Variants in CTNNA3 observed in about 807,000 individuals in gnomAD.
CTNNA3 encodes the protein catenin alpha-3.
Under a neutral mutation model 95.7 loss-of-function variants are expected in CTNNA3, and 76 were observed. The ratio of observed to expected loss-of-function variants is 0.79; its 90% CI spans 0.66 to 0.96. CTNNA3 has a LOEUF of 0.96. Ranked by LOEUF, CTNNA3 falls within the 40% of genes least tolerant of loss-of-function variation. CTNNA3 has a pLI of 0.00. For missense variants in CTNNA3, 1,191 were observed against 1,089.8 expected, an observed-to-expected ratio of 1.09 and a Z score of -1.31; for synonymous variants, 431 against 374.4, an observed-to-expected ratio of 1.15 and a Z score of -1.74.
intron 9 of CTNNA3, among the ~76,000 whole-genome samples, chr10:66,684,728 A>G (rs1847187335): frequency 6.6e-6 from 1 of 152,122 alleles, no homozygotes; most frequent in South Asian, 2.1e-4. Flanking sequence ...TAGGAATGTT[A>G]CTTATAAACA....
chr10:66,429,544 C>T (rs1373122982), intron 11 of CTNNA3, among the ~76,000 whole-genome samples: 6 of 152,266 alleles, frequency 3.9e-5, no homozygotes, highest in Admixed American at 2.0e-4. Flanking sequence ...CATCAAAAAG[C>T]TTATCCACCA....
chr10:66,341,594 T>C (rs2092453528), intron 12 of CTNNA3, among the ~76,000 whole-genome samples: 5 of 151,998 alleles, frequency 3.3e-5, no homozygotes, highest in Admixed American at 3.3e-4. Flanking sequence ...TAAATTGTAC[T>C]TTAGATTTTT....
At chr10:67,185,152 T>C (rs1246152204) in intron 6 of CTNNA3, among the ~76,000 whole-genome samples, 2 of 152,092 alleles carry the variant, frequency 1.3e-5, no homozygotes, top group East Asian at 1.9e-4. Context: ...GTTTTTTAGA[T>C]GGAGTCTCAC....
intron 11 of CTNNA3, among the ~76,000 whole-genome samples, chr10:66,453,757 A>T (rs2093479211): frequency 6.6e-6 from 1 of 152,216 alleles, no homozygotes; most frequent in Non-Finnish European, 1.5e-5. Flanking sequence ...AACTGAACTT[A>T]AGCATGTTGA....
intron 7 of CTNNA3, among the ~76,000 whole-genome samples, chr10:66,867,114 T>C (rs1381146271): frequency 6.6e-6 from 1 of 150,400 alleles, no homozygotes; most frequent in African/African-American, 2.5e-5. Flanking sequence ...TGTGGGTCCA[T>C]TAAACATCTT....
chr10:67,141,989 T>A (rs1184922361), intron 7 of CTNNA3, among the ~76,000 whole-genome samples: 2 of 152,166 alleles, frequency 1.3e-5, no homozygotes, highest in Admixed American at 1.3e-4. Context: ...GGTAATTCAG[T>A]GCATTACCTA....
chr10:67,558,991 G>A (rs112106170), intron 3 of CTNNA3, among the ~76,000 whole-genome samples: 2,829 of 152,264 alleles, frequency 0.019, 74 homozygotes, highest in African/African-American at 0.056. Flanking sequence ...CGGGAAGCTC[G>A]AACTGGGTGG....
At position 66,885,087 on chromosome 10, in the gene CTNNA3, C is replaced by T. The variant is rs561868805; in HGVS notation, c.1048-109563G>A. ...GCATCATCCAAAGTCAAGTAATTTACAATTTACTCACTGGCAAGATGAGAC... is the reference window on the plus strand; with the variant it reads ...GCATCATCCAAAGTCAAGTAATTTATAATTTACTCACTGGCAAGATGAGAC... On this transcript the variant is annotated intron_variant, in intron 7 of 17. Coordinates refer to ENST00000433211, the MANE Select transcript of CTNNA3 (RefSeq NM_013266.4). Among the ~76,000 whole-genome samples the T allele has an allele frequency of 2.6e-5, 4 of 152,180 alleles. No homozygotes were observed. In the East Asian group the frequency reaches 7.7e-4, roughly 29 times the overall value.
intron 11 of CTNNA3, among the ~76,000 whole-genome samples, chr10:66,431,249 G>C (rs2093292925): frequency 6.6e-6 from 1 of 152,178 alleles, no homozygotes; most frequent in African/African-American, 2.4e-5. Context: ...GGAAACAACA[G>C]GAGCTGGAGA....
At chr10:66,122,379 A>G (rs1903872) in intron 13 of CTNNA3, among the ~76,000 whole-genome samples, 74,584 of 151,886 alleles carry the variant, frequency 0.49, 18,527 homozygotes, top group African/African-American at 0.56. Flanking sequence ...AACATACATT[A>G]CATGTAATAG....
At chr10:67,144,913 C>G (rs952576194) in intron 7 of CTNNA3, among the ~76,000 whole-genome samples, 1 of 152,158 alleles carries the variant, frequency 6.6e-6, no homozygotes, top group Non-Finnish European at 1.5e-5. Flanking sequence ...TTTCAACATG[C>G]CTTCCTAACT....
At chr10:67,655,782 C>CGAA (rs1840005645) in intron 1 of CTNNA3, among the ~76,000 whole-genome samples, 1 of 95,262 alleles carries the variant, frequency 1.0e-5, no homozygotes, top group African/African-American at 3.6e-5. Flanking sequence ...GACTCCGTCT[C>CGAA]AAAAAAAAAA....
At chr10:67,365,039 G>A (rs1843154134) in intron 5 of CTNNA3, among the ~76,000 whole-genome samples, 1 of 152,120 alleles carries the variant, frequency 6.6e-6, no homozygotes, top group Admixed American at 6.6e-5. Context: ...ATAGACCAAT[G>A]CAACAGAACA....
intron 11 of CTNNA3, among the ~76,000 whole-genome samples, chr10:66,448,789 G>T (rs139415394): frequency 0.011 from 1,660 of 151,912 alleles, 37 homozygotes; most frequent in African/African-American, 0.038. Flanking sequence ...TAACAAACCT[G>T]CATATTGTCC....
At chr10:66,805,284 C>CTGAG (rs1192888250) in intron 7 of CTNNA3, among the ~76,000 whole-genome samples, 1 of 151,780 alleles carries the variant, frequency 6.6e-6, no homozygotes, top group Non-Finnish European at 1.5e-5. Flanking sequence ...CAACTATATG[C>CTGAG]TGAGTCCTGT....
At chr10:66,431,018 A>T (rs191942589) in intron 11 of CTNNA3, among the ~76,000 whole-genome samples, 1 of 151,980 alleles carries the variant, frequency 6.6e-6, no homozygotes, top group African/African-American at 2.4e-5. Flanking sequence ...ACAAAGGGCT[A>T]ATATCCAGAA....
At chr10:67,017,243 C>T (rs1170551511) in intron 7 of CTNNA3, among the ~76,000 whole-genome samples, 1 of 152,144 alleles carries the variant, frequency 6.6e-6, no homozygotes, top group Non-Finnish European at 1.5e-5. Flanking sequence ...GATCTAAAAA[C>T]ATTACTGAAA....
At chr10:67,005,137 T>A (rs1304902819) in intron 7 of CTNNA3, among the ~76,000 whole-genome samples, 1 of 152,180 alleles carries the variant, frequency 6.6e-6, no homozygotes, top group Non-Finnish European at 1.5e-5. Flanking sequence ...TTTACCTGGA[T>A]AATAAATTAA....
intron 7 of CTNNA3, among the ~76,000 whole-genome samples, chr10:66,950,070 T>C (rs1379736962): frequency 6.6e-6 from 1 of 152,190 alleles, no homozygotes; most frequent in African/African-American, 2.4e-5. Flanking sequence ...AAAACCATGA[T>C]TTACCACTCT....
Sources: allele counts gnomAD v4.1 joint callset (sites outside exome capture counted in the v4.1 genomes callset), GRCh38; gene constraint gnomAD v4.1.1; transcripts MANE v1.5; gene names NCBI Gene and HGNC (gene_info 2026-07-23, HGNC 2026-07-21).